The following PCDHA8 variants were observed in gnomAD, a reference collection of about 807,000 sequenced individuals.
The protein encoded by PCDHA8 is protocadherin alpha 8, also known as protocadherin alpha-8.
A neutral mutation model predicts 61.8 loss-of-function variants in PCDHA8; 53 were observed. The ratio of observed to expected loss-of-function variants is 0.86; its 90% confidence interval spans 0.69 to 1.08. The LOEUF is 1.08. Among genes scored for constraint, PCDHA8 ranks in the 50% least tolerant of loss-of-function variants. PCDHA8 has a pLI of 0.00. For synonymous variants in PCDHA8, 618 were observed against 556.6 expected, an observed-to-expected ratio of 1.11 and a Z score of -1.55; for missense variants, 1,293 against 1,245.0, an observed-to-expected ratio of 1.04 and a Z score of -0.58.
intron 1 of PCDHA8, chr5:140,967,929 G>C (rs1554230126): frequency 6.2e-7 from 1 of 1,614,214 alleles, no homozygotes; most frequent in Non-Finnish European, 8.5e-7. Flanking sequence ...GCCGTTCTCA[G>C]TGTCAATGAC....
At chr5:140,971,603 C>T (rs1353988698) in intron 1 of PCDHA8, among the ~76,000 whole-genome samples, 1 of 152,072 alleles carries the variant, frequency 6.6e-6, no homozygotes, top group Non-Finnish European at 1.5e-5. Context: ...CTACAGATGG[C>T]AGGAGAGTCC....
intron 1 of PCDHA8, chr5:140,884,276 G>C: frequency 6.8e-6 from 11 of 1,613,638 alleles, no homozygotes; most frequent in Non-Finnish European, 9.3e-6. Context: ...GTTGTCGCTG[G>C]TGGAGAGCGG....
rs200912451 is a variant in PCDHA8 at position 140,850,965 on chromosome 5, G to A, written c.2394+7250G>A. The A allele has an allele frequency of 1.1e-4, 159 of 1,464,076 alleles. 6 individuals are homozygous for A. The highest frequency in any genetic ancestry group is 1.3e-4 in the Non-Finnish European group (139 of 1,096,434). 90.7% of individuals were successfully genotyped at this position (1,464,076 alleles called of 1,614,324 possible). On this transcript the variant is annotated intron_variant, in intron 1 of 3. Transcript: ENST00000531613. The stretch of plus-strand genomic sequence containing the variant: ...ATATTATCGATTACTCCCAGGGGCC[G>A]TTCAAATAGTTTTATTCATTTTTCT...
rs782492418 is a variant in PCDHA8 at position 140,858,271 on chromosome 5, C to T, written c.2394+14556C>T. On this transcript the variant is annotated intron_variant, in intron 1 of 3. Coordinates refer to ENST00000531613, the MANE Select transcript of PCDHA8 (RefSeq NM_018911.3). ...TGAAGCCCACGCTGGTGTGCTCTAGCGCGGTGGGGAGCTGGTCTTACTCGC... is the reference window on the plus strand; with the variant it reads ...TGAAGCCCACGCTGGTGTGCTCTAGTGCGGTGGGGAGCTGGTCTTACTCGC... 2.3e-5 allele frequency: 37 copies of T among 1,597,010 alleles called. 3 individuals are homozygous for T. The highest frequency in any genetic ancestry group is 8.4e-5 in the Admixed American group (5 of 59,172).
In PCDHA8 at chr5:140,900,434, C is replaced by T. The variant is rs545919996; in HGVS notation, c.2394+56719C>T. On this transcript the variant is annotated intron_variant, in intron 1 of 3. Transcript: ENST00000531613. Reference sequence around the variant, plus strand: ...CTGGGATTATAGGCACGTGCCACCACGGCCGGCTAATTTTTTATTTTTAGT... The same window carrying T: ...CTGGGATTATAGGCACGTGCCACCATGGCCGGCTAATTTTTTATTTTTAGT... Among the ~76,000 whole-genome samples, 18 of 152,264 alleles carry T rather than the reference C, an allele frequency of 1.2e-4. No individual in the cohort carries two copies. The East Asian group carries it at 2.5e-3, about 21-fold the overall frequency.
At chr5:140,999,980 C>G (rs1386394350) in intron 3 of PCDHA8, among the ~76,000 whole-genome samples, 1 of 152,076 alleles carries the variant, frequency 6.6e-6, no homozygotes, top group East Asian at 1.9e-4. Flanking sequence ...GCTCTAGCGG[C>G]CTCTGGGTAG....
At chr5:140,848,041 T>C (rs1245564819) in intron 1 of PCDHA8, 2 of 159,606 alleles carry the variant, frequency 1.3e-5, no homozygotes, top group Admixed American at 5.9e-5. Context: ...CTCAATGGAA[T>C]CATTTTAATT....
chr5:140,961,025 C>G (rs1283958205), intron 1 of PCDHA8, among the ~76,000 whole-genome samples: 1 of 152,150 alleles, frequency 6.6e-6, no homozygotes, highest in African/African-American at 2.4e-5. Context: ...CACTTGCTAC[C>G]TCCTTGTTTT....
intron 1 of PCDHA8, chr5:140,869,778 C>G (rs782226363): frequency 6.2e-7 from 1 of 1,612,924 alleles, no homozygotes. Flanking sequence ...TTACTGGCAC[C>G]GTTCGGCTGT....
In PCDHA8 at chr5:140,979,019, C is replaced by T; in HGVS notation, c.2453+12C>T. On this transcript the variant is annotated intron_variant, in intron 2 of 3. Coordinates refer to ENST00000531613, the MANE Select transcript of PCDHA8 (RefSeq NM_018911.3). ...GCAGGCATGCACAGGTATGTATTTC[C>T]CTCCTCATTCACTCAGAAGTAACCT... 1 of 1,613,662 alleles carries T rather than the reference C, an allele frequency of 6.2e-7. No individual in the cohort carries two copies. Among genetic ancestry groups the T allele is most frequent in the South Asian group, 1.1e-5 (1 of 90,910 alleles).
At chr5:141,000,639 G>A (rs1375900945) in intron 3 of PCDHA8, among the ~76,000 whole-genome samples, 2 of 151,186 alleles carry the variant, frequency 1.3e-5, no homozygotes, top group East Asian at 1.9e-4. Flanking sequence ...TGTTGGGCAG[G>A]CTGGTCTCGA....
intron 1 of PCDHA8, chr5:140,969,574 G>T (rs948199454): frequency 1.0e-6 from 1 of 983,446 alleles, no homozygotes; most frequent in Non-Finnish European, 1.5e-6. Context: ...TGTTTGAGAA[G>T]TGAGGATTAG....
chr5:140,866,385 A>G (rs1211864168), intron 1 of PCDHA8: 3 of 152,140 alleles, frequency 2.0e-5, no homozygotes, highest in Non-Finnish European at 2.9e-5. Flanking sequence ...ACAATTTTAA[A>G]GACATAGATT....
At chr5:140,862,877 G>T in intron 1 of PCDHA8, 1 of 567,556 alleles carries the variant, frequency 1.8e-6, no homozygotes. Flanking sequence ...CCAGGTATTA[G>T]TGCTGGAACG....
chr5:140,928,889 A>T, intron 1 of PCDHA8: 2 of 1,614,118 alleles, frequency 1.2e-6, no homozygotes, highest in Non-Finnish European at 1.7e-6. Flanking sequence ...TTACTTCCAG[A>T]CTTTGAAGAT....
chr5:140,871,561 T>C, intron 1 of PCDHA8: 1 of 1,485,946 alleles, frequency 6.7e-7, no homozygotes, highest in Non-Finnish European at 9.0e-7. Context: ...CAGTTTTTTT[T>C]CACGGATTTT....
At chr5:140,956,190 T>A (rs1441772845) in intron 1 of PCDHA8, among the ~76,000 whole-genome samples, 1 of 152,208 alleles carries the variant, frequency 6.6e-6, no homozygotes, top group Non-Finnish European at 1.5e-5. Flanking sequence ...CTATGCTGAA[T>A]AGGAGTGGTG....
intron 1 of PCDHA8, chr5:140,969,185 A>G (rs782632936): frequency 1.9e-6 from 3 of 1,613,974 alleles, no homozygotes; most frequent in South Asian, 1.1e-5. Context: ...TGACACTTTC[A>G]TGTTTTACAA....
chr5:140,876,176 TG>T (rs1554168338), intron 1 of PCDHA8: 2 of 1,613,930 alleles, frequency 1.2e-6, no homozygotes, highest in Non-Finnish European at 1.7e-6. Context: ...GTCCTGGATG[TG>T]AATGACAATG....
Sources: allele counts gnomAD v4.1 joint callset (sites outside exome capture counted in the v4.1 genomes callset), GRCh38; gene constraint gnomAD v4.1.1; transcripts MANE v1.5; gene names NCBI Gene and HGNC (gene_info 2026-07-23, HGNC 2026-07-21).